Variants in KCNAB2 observed in about 807,000 individuals in gnomAD.
KCNAB2 encodes voltage-gated potassium channel subunit beta-2.
Under a neutral mutation model 63.6 loss-of-function variants are expected in KCNAB2, and 29 were observed. The ratio of observed to expected loss-of-function variants is 0.46; its 90% CI spans 0.34 to 0.62. The LOEUF (loss-of-function observed/expected upper bound fraction) is 0.62, where lower values mean the gene tolerates loss of function less well. KCNAB2 is among the 20% of genes least tolerant of loss of function. The probability of loss-of-function intolerance (pLI) is 0.01; values close to 1 mark genes in which losing one functional copy is unlikely to be tolerated. For missense variants in KCNAB2, 359 were observed against 563.9 expected (o/e 0.64, Z 3.68); for synonymous variants, 222 against 224.2 (o/e 0.99, Z 0.09).
intron 1 of KCNAB2, among the ~76,000 whole-genome samples, chr1:5,997,653 A>G (rs2102532654): frequency 6.6e-6 from 1 of 152,264 alleles, no homozygotes; most frequent in Non-Finnish European, 1.5e-5. Flanking sequence ...CAGGCTCTCA[A>G]TGCAGCCTAG....
chr1:6,073,888 C>G lies in KCNAB2; in HGVS notation c.300+118C>G. On this transcript the variant is annotated intron_variant, in intron 4 of 15. Coordinates refer to ENST00000378083, the MANE Select transcript of KCNAB2 (RefSeq NM_001199862.2). This position sits in a 1 kb window ranked among gnomAD's most constrained non-coding sequence, Gnocchi z 5.7. ...CCCGGGAGCCAGCGCAGCAGCCTCC[C>G]TCCCTCTTTCTGTTTTGTGAGGGCG... 2.9e-6 allele frequency: 3 copies of G among 1,052,432 alleles called. No homozygotes were observed. The South Asian group carries it at 3.9e-5, about 14-fold the overall frequency. 65.2% of individuals were successfully genotyped at this position (1,052,432 alleles called of 1,614,324 possible). A position where few individuals can be genotyped will look rare whatever the true frequency, so the allele number is the denominator to read the frequency against.
chr1:6,021,005 A>G (rs186519234), intron 1 of KCNAB2, among the ~76,000 whole-genome samples: 198 of 152,036 alleles, frequency 1.3e-3, no homozygotes, highest in African/African-American at 4.6e-3. Context: ...TTTCATATAT[A>G]TTTTTTGAGA....
intron 14 of KCNAB2, 114 bp from the exon 15 acceptor site, chr1:6,097,155 C>CG (rs1236202685): frequency 7.9e-7 from 1 of 1,262,630 alleles, no homozygotes; most frequent in Non-Finnish European, 1.1e-6. Flanking sequence ...CCTAGACCCC[C>CG]TCAGACCCCC....
upstream of KCNAB2, among the ~76,000 whole-genome samples, chr1:6,042,838 T>TCCCCCC: frequency 8.1e-5 from 1 of 12,280 alleles, no homozygotes; most frequent in Non-Finnish European, 1.6e-4. Flanking sequence ...GCGCCCCCAC[T>TCCCCCC]CCCCACCCCC....
rs1665721842 is a variant in KCNAB2 at position 6,097,255 on chromosome 1, T to A, written c.1070-14T>A. The A allele has an allele frequency of 2.6e-6, 4 of 1,532,834 alleles. No homozygotes were observed. Among genetic ancestry groups the A allele is most frequent in the Non-Finnish European group, 3.5e-6 (4 of 1,135,404 alleles). 95.0% of individuals were successfully genotyped at this position (1,532,834 alleles called of 1,614,324 possible). On this transcript the variant is annotated splice_polypyrimidine_tract_variant and intron_variant, in intron 14 of 15. Coordinates refer to ENST00000378083, the MANE Select transcript of KCNAB2 (RefSeq NM_001199862.2). ...GTGGGTGTTTCTCCCTCACCTTGGG[T>A]CTCGCCGCCACAGCCTGGTGCCTGA...
intron 4 of KCNAB2, among the ~76,000 whole-genome samples, chr1:6,077,621 G>A (rs1455940692): frequency 6.6e-6 from 1 of 152,222 alleles, no homozygotes; most frequent in Non-Finnish European, 1.5e-5. Flanking sequence ...CCAGGAGGGA[G>A]CCAGGTGTGT....
At chr1:6,025,981 A>G (rs555644570) in intron 1 of KCNAB2, 5 of 154,722 alleles carry the variant, frequency 3.2e-5, no homozygotes, top group Admixed American at 6.5e-5. Flanking sequence ...ATCCCGGCAC[A>G]CTGCTGGCAG....
At chr1:6,066,410 C>T (rs544629372) in intron 2 of KCNAB2, among the ~76,000 whole-genome samples, 35 of 152,278 alleles carry the variant, frequency 2.3e-4, no homozygotes, top group Middle Eastern at 3.4e-3. Flanking sequence ...TGCTGAGGGC[C>T]GGGAGGGGCT....
intron 9 of KCNAB2, 109 bp downstream of exon 9, chr1:6,090,584 G>A: frequency 1.3e-6 from 1 of 779,084 alleles, no homozygotes; most frequent in Non-Finnish European, 2.1e-6. Context: ...ACCCGGGTGA[G>A]CCGTGAGAGG....
rs569943709 is a variant in KCNAB2, at chr1:6,085,765, C to T, written c.425+517C>T. 1.1e-5 allele frequency: 10 copies of T among 906,040 alleles called. No individual in the cohort carries two copies. In the East Asian group the frequency reaches 3.3e-4, roughly 30 times the overall value. The allele number at this position is 906,040 out of a possible 1,614,324, so 56.1% of individuals were successfully genotyped here. A position where few individuals can be genotyped will look rare whatever the true frequency, so the allele number is the denominator to read the frequency against. On this transcript the variant is annotated intron_variant, in intron 6 of 15. Transcript: ENST00000378083. ...GATCTTCGCGGCGTCTCAGCCTCTC[C>T]GGAGCTCACTGTTCCCATCTGTAAG...
chr1:6,023,528 T>C (rs2100342003), intron 1 of KCNAB2, among the ~76,000 whole-genome samples: 1 of 152,354 alleles, frequency 6.6e-6, no homozygotes, highest in East Asian at 1.9e-4. Flanking sequence ...GGTTTTGATT[T>C]GCATTTCCCT....
intron 1 of KCNAB2, among the ~76,000 whole-genome samples, chr1:5,993,427 C>A (rs1656686781): frequency 6.6e-6 from 1 of 152,146 alleles, no homozygotes; most frequent in African/African-American, 2.4e-5. Context: ...AGCACACACA[C>A]CGCCACTTCT....
chr1:6,007,076 T>C (rs1463430090), intron 1 of KCNAB2, among the ~76,000 whole-genome samples: 1 of 152,166 alleles, frequency 6.6e-6, no homozygotes, highest in Non-Finnish European at 1.5e-5. Flanking sequence ...CAGCGCTTTC[T>C]GTCCCTGTGG....
chr1:6,014,141 C>A (rs1002905918), intron 1 of KCNAB2, among the ~76,000 whole-genome samples: 1 of 152,244 alleles, frequency 6.6e-6, no homozygotes, highest in African/African-American at 2.4e-5. Context: ...TGCACTGGGT[C>A]GCCAGCAGCT....
chr1:5,993,487 T>C (rs1171481429), intron 1 of KCNAB2, among the ~76,000 whole-genome samples: 1 of 152,154 alleles, frequency 6.6e-6, no homozygotes, highest in Non-Finnish European at 1.5e-5. Context: ...TGCCAGGCCT[T>C]GGCACAAAGC....
At chr1:6,000,597 C>T (rs918586363) in intron 1 of KCNAB2, among the ~76,000 whole-genome samples, 9 of 151,418 alleles carry the variant, frequency 5.9e-5, no homozygotes, top group African/African-American at 1.9e-4. Flanking sequence ...CACCCCCCGC[C>T]GCTCTGCTGG....
Position 6,098,521 on chromosome 1 carries a change from A to T in KCNAB2, c.1195A>T (p.Ile399Phe), listed in dbSNP as rs1224807658. ...ACTGTCATCTTCCATTATCCACGAG[A>T]TTGATAGTATTTTGGGCAATAAACC... ...PKLSSSIIHE[I>F]DSILGNKPYS... Residue 399 changes from isoleucine (I) to phenylalanine (F), a missense_variant, in exon 16 of 16, where the codon ATT becomes TTT. Ile to Phe is a conservative substitution (Grantham distance 21). Around this residue, in one of 2 missense-constraint regions of KCNAB2, gnomAD observed 271 missense variants for 476.1 expected, o/e 0.57. Transcript: ENST00000378083. The T allele has an allele frequency of 6.2e-7, 1 of 1,613,794 alleles. No homozygotes were observed. The highest frequency in any genetic ancestry group is 2.2e-5 in the East Asian group (1 of 44,874).
intron 13 of KCNAB2, 76 bp downstream of exon 13, chr1:6,095,700 C>T (rs1306073746): frequency 1.4e-6 from 2 of 1,384,076 alleles, no homozygotes; most frequent in East Asian, 4.6e-5. Flanking sequence ...GGGCCGACTG[C>T]TTTGGTGCTG....
In KCNAB2 at chr1:6,073,640, C is replaced by A; in HGVS notation, c.263-93C>A. On this transcript the variant is annotated intron_variant, in intron 3 of 15. Coordinates refer to ENST00000378083, the MANE Select transcript of KCNAB2 (RefSeq NM_001199862.2). This position sits in a 1 kb window ranked among gnomAD's most constrained non-coding sequence, Gnocchi z 5.7. ...CAGCACAGAGGGACACCTGTGGCTG[C>A]CCCCTGTGCCCTACAGCCTGAGGTC... 3 of 1,169,018 alleles carry A rather than the reference C, an allele frequency of 2.6e-6. No individual in the cohort carries two copies. Among genetic ancestry groups the A allele is most frequent in the Non-Finnish European group, 3.9e-6 (3 of 776,602 alleles). 72.4% of individuals were successfully genotyped at this position (1,169,018 alleles called of 1,614,324 possible).
Sources: gnomAD v4.1 joint callset for allele counts (sites outside exome capture counted in the v4.1 genomes callset) on GRCh38, gnomAD v4.1.1 for gene constraint, gnomAD v4.1.1 regional missense constraint, Gnocchi (gnomAD v3.1) non-coding constraint, MANE v1.5 for transcripts, NCBI Gene and HGNC (gene_info 2026-07-23, HGNC 2026-07-21) for gene names.